The following QRICH1 variants were observed in gnomAD, a reference collection of about 807,000 sequenced individuals.
QRICH1 encodes glutamine rich 1, also known as transcriptional regulator QRICH1.
Under a neutral mutation model 87.1 loss-of-function variants are expected in QRICH1, and 16 were observed. The ratio of observed to expected loss-of-function variants is 0.18; its 90% CI spans 0.12 to 0.28. The LOEUF is 0.28. Among genes scored for constraint, QRICH1 ranks in the 10% least tolerant of loss-of-function variants. The pLI is 1.00. For missense variants in QRICH1, 647 were observed against 951.7 expected, an observed-to-expected ratio of 0.68 and a Z score of 4.21; for synonymous variants, 367 against 368.4, an observed-to-expected ratio of 1.00 and a Z score of 0.05.
At chr3:49,059,681 C>T (rs1160900529) in intron 2 of QRICH1, among the ~76,000 whole-genome samples, 2 of 151,268 alleles carry the variant, frequency 1.3e-5, no homozygotes, top group South Asian at 2.1e-4. Flanking sequence ...CTTGGCCTCC[C>T]AAAGTGCTGG....
intron 3 of QRICH1, among the ~76,000 whole-genome samples, chr3:49,048,283 C>A (rs1179530398): frequency 6.6e-6 from 1 of 151,714 alleles, no homozygotes; most frequent in Non-Finnish European, 1.5e-5. Context: ...CAGGCATGTG[C>A]CACCACGCCC....
At chr3:49,063,598 G>A (rs2093447998) in intron 2 of QRICH1, among the ~76,000 whole-genome samples, 1 of 152,152 alleles carries the variant, frequency 6.6e-6, no homozygotes, top group Non-Finnish European at 1.5e-5. Context: ...AGATCAACCT[G>A]GGCAACATAG....
At chr3:49,046,987 C>T in intron 4 of QRICH1, 82 bp downstream of exon 4, 2 of 1,484,318 alleles carry the variant, frequency 1.3e-6, no homozygotes, top group Non-Finnish European at 1.8e-6. Context: ...CAGGAGACAC[C>T]ACTTTTCTGG....
intron 2 of QRICH1, among the ~76,000 whole-genome samples, chr3:49,075,634 A>G (rs2041936106): frequency 1.3e-5 from 2 of 150,812 alleles, no homozygotes; most frequent in Admixed American, 1.3e-4. Flanking sequence ...TCCAACTCAA[A>G]GAAAAAACAA....
chr3:49,051,070 G>T (rs1027529887), intron 3 of QRICH1, among the ~76,000 whole-genome samples: 9 of 152,034 alleles, frequency 5.9e-5, no homozygotes, highest in Non-Finnish European at 1.2e-4. Flanking sequence ...TTAATCTGAG[G>T]ACTCATTCTC....
chr3:49,032,150 A>G (rs1405024133), intron 9 of QRICH1, 33 bp downstream of exon 9: 2 of 1,518,098 alleles, frequency 1.3e-6, no homozygotes, highest in Admixed American at 3.3e-5. Context: ...ACACATGCGC[A>G]CACATGGACA....
At chr3:49,049,965 C>T (rs1428968508) in intron 3 of QRICH1, among the ~76,000 whole-genome samples, 2 of 150,794 alleles carry the variant, frequency 1.3e-5, no homozygotes, top group East Asian at 3.9e-4. Flanking sequence ...CTCTGGAGGC[C>T]GAGGCAGGCA....
chr3:49,083,222 G>T (rs866668733), intron 1 of QRICH1: 10 of 136,858 alleles, frequency 7.3e-5, no homozygotes, highest in East Asian at 4.8e-4. Context: ...AAAAAAAAAG[G>T]GGGGGGGGGA....
chr3:49,065,830 G>A lies in QRICH1; in HGVS notation c.310-7940C>T, dbSNP rs189595739. Among the ~76,000 whole-genome samples, 11 of 152,088 alleles carry A rather than the reference G, an allele frequency of 7.2e-5. No individual in the cohort carries two copies. In the East Asian group the frequency reaches 1.6e-3, roughly 21 times the overall value. On this transcript the variant is annotated intron_variant, in intron 2 of 9. Coordinates refer to ENST00000395443, the MANE Select transcript of QRICH1 (RefSeq NM_198880.3). ...CAAGTAGCTGGGACTACAGGCACCCGCCACCACGCCCGCTAATTTTTGTTT... is the reference window on the plus strand; with the variant it reads ...CAAGTAGCTGGGACTACAGGCACCCACCACCACGCCCGCTAATTTTTGTTT...
In QRICH1 at chr3:49,068,123, T is replaced by C. The variant is rs551842260; in HGVS notation, c.309+8586A>G. On this transcript the variant is annotated intron_variant, in intron 2 of 9. Transcript: ENST00000395443. Reference sequence around the variant, plus strand: ...CCTGTAATCCTAAATCAGGAGGCTATGGCAGGAGGATCACTTGAGGCCAGG... The same window carrying C: ...CCTGTAATCCTAAATCAGGAGGCTACGGCAGGAGGATCACTTGAGGCCAGG... Among the ~76,000 whole-genome samples, 5 of 152,244 alleles carry C rather than the reference T, an allele frequency of 3.3e-5. No individual in the cohort carries two copies. In the East Asian group the frequency reaches 5.8e-4, roughly 18 times the overall value.
At chr3:49,066,032 C>G (rs893293285) in intron 2 of QRICH1, among the ~76,000 whole-genome samples, 9 of 152,080 alleles carry the variant, frequency 5.9e-5, no homozygotes, top group African/African-American at 1.9e-4. Flanking sequence ...TGCCTGTAAC[C>G]TCAGCACTTT....
intron 2 of QRICH1, among the ~76,000 whole-genome samples, chr3:49,075,469 A>G (rs1303791159): frequency 2.0e-5 from 3 of 152,100 alleles, no homozygotes; most frequent in African/African-American, 7.2e-5. Flanking sequence ...AGTCTCTACT[A>G]AAAATACAAA....
intron 6 of QRICH1, among the ~76,000 whole-genome samples, chr3:49,034,386 G>A (rs938078057): frequency 1.3e-4 from 19 of 151,140 alleles, no homozygotes; most frequent in African/African-American, 4.4e-4. Flanking sequence ...AGGCTGCAGT[G>A]AGCCGTGATC....
chr3:49,030,940 C>T (rs542381103), intron 9 of QRICH1, among the ~76,000 whole-genome samples: 111 of 151,994 alleles, frequency 7.3e-4, no homozygotes, highest in South Asian at 2.5e-3. Flanking sequence ...TATCCTTATC[C>T]TACTTGAAGC....
intron 5 of QRICH1, among the ~76,000 whole-genome samples, 153 bp downstream of exon 5, chr3:49,046,272 A>AC (rs1223157898): frequency 6.6e-6 from 1 of 152,080 alleles, no homozygotes; most frequent in East Asian, 1.9e-4. Context: ...TAAAAAAAAA[A>AC]AAAAAACAAC....
At chr3:49,072,392 G>A in intron 2 of QRICH1, among the ~76,000 whole-genome samples, 1 of 151,984 alleles carries the variant, frequency 6.6e-6, no homozygotes. Flanking sequence ...AGGTGTTGGT[G>A]GTGTGCGCCT....
rs1019786820 is a variant in QRICH1, at chr3:49,048,477, T to TAA, written c.1339-1233_1339-1232dup. ...CACCTTGAAATCATCTGGATTGCTT[T>TAA]AAAAAAAAAAAAAAAAAAAAACCCA... On this transcript the variant is annotated intron_variant, in intron 3 of 9. Coordinates refer to ENST00000395443, the MANE Select transcript of QRICH1 (RefSeq NM_198880.3). Among the ~76,000 whole-genome samples the TAA allele has an allele frequency of 2.0e-4, 27 of 132,542 alleles. 1 individual carries two copies. Among genetic ancestry groups the TAA allele is most frequent in the African/African-American group, 6.8e-4 (24 of 35,384 alleles). 87.0% of individuals were successfully genotyped at this position (132,542 alleles called of 152,430 possible). A position where few individuals can be genotyped will look rare whatever the true frequency, so the allele number is the denominator to read the frequency against.
intron 1 of QRICH1, 146 bp downstream of exon 1, chr3:49,093,766 G>A (rs895736067): frequency 2.1e-5 from 7 of 338,012 alleles, no homozygotes; most frequent in African/African-American, 4.3e-5. Flanking sequence ...CGCTAGCCCA[G>A]GAACGTTTTC....
intron 2 of QRICH1, among the ~76,000 whole-genome samples, chr3:49,063,004 A>G (rs904496900): frequency 6.6e-6 from 1 of 152,084 alleles, no homozygotes; most frequent in African/African-American, 2.4e-5. Flanking sequence ...CGTCTCAAAA[A>G]AAAAAAAGGC....
Sources: allele counts gnomAD v4.1 joint callset (sites outside exome capture counted in the v4.1 genomes callset), GRCh38; gene constraint gnomAD v4.1.1; transcripts MANE v1.5; gene names NCBI Gene and HGNC (gene_info 2026-07-23, HGNC 2026-07-21).